The following ZNF273 variants were observed in gnomAD, a reference collection of about 807,000 sequenced individuals.
ZNF273 encodes zinc finger protein 273, also known as zinc finger protein 9.
A neutral mutation model predicts 14.9 loss-of-function variants in ZNF273; 11 were observed. The ratio of observed to expected loss-of-function variants is 0.74; its 90% confidence interval spans 0.46 to 1.22. The LOEUF (loss-of-function observed/expected upper bound fraction) is 1.22, where lower values mean the gene tolerates loss of function less well. Ranked by LOEUF, ZNF273 falls within the 50% of genes most tolerant of loss-of-function variation. The probability of loss-of-function intolerance (pLI) is 0.00; values close to 1 mark genes in which losing one functional copy is unlikely to be tolerated. For missense variants in ZNF273, 577 were observed against 660.6 expected, an observed-to-expected ratio of 0.87 and a Z score of 1.39; for synonymous variants, 199 against 223.9, an observed-to-expected ratio of 0.89 and a Z score of 0.99.
intron 1 of ZNF273, among the ~76,000 whole-genome samples, chr7:64,909,905 C>T (rs1318172372): frequency 1.3e-5 from 2 of 151,358 alleles, no homozygotes; most frequent in African/African-American, 4.9e-5. Context: ...GAGATTGTAT[C>T]TCACTGTGGT....
At position 64,927,965 on chromosome 7, in the gene ZNF273, A is replaced by G. The variant is rs768092715; in HGVS notation, c.637A>G (p.Lys213Glu). The G allele has an allele frequency of 1.3e-5, 21 of 1,613,780 alleles. No individual in the cohort carries two copies. The highest frequency in any genetic ancestry group is 1.7e-5 in the Non-Finnish European group (20 of 1,179,920). The stretch of plus-strand genomic sequence containing the variant: ...ACCTTTCAAATGTAAAGAATGTGGC[A>G]AATCATGTTGCATACTTTCACAACT... ...KKPFKCKECG[K>E]SCCILSQLTQ... Residue 213 changes from lysine to glutamate, a missense_variant, in exon 4 of 4, where the codon AAA becomes GAA. Lys to Glu is a moderately conservative substitution (Grantham distance 56). Coordinates refer to ENST00000476120, the MANE Select transcript of ZNF273 (RefSeq NM_021148.3).
intron 1 of ZNF273, among the ~76,000 whole-genome samples, chr7:64,916,710 C>G (rs941444359): frequency 7.4e-6 from 1 of 135,756 alleles, no homozygotes; most frequent in Non-Finnish European, 1.6e-5. Context: ...TTCTGTGTGC[C>G]TCAGCGCATC....
chr7:64,932,418 T>A (rs1192694101), downstream of ZNF273, among the ~76,000 whole-genome samples: 1 of 152,012 alleles, frequency 6.6e-6, no homozygotes, highest in Non-Finnish European at 1.5e-5. Flanking sequence ...TTGATTCTCC[T>A]GTCACAGCCT....
chr7:64,894,439 CTT>C (rs1792240331), downstream of ZNF273, among the ~76,000 whole-genome samples: 1 of 152,042 alleles, frequency 6.6e-6, no homozygotes, highest in South Asian at 2.1e-4. Context: ...TACAAACAAA[CTT>C]TACAGATTAC....
At chr7:64,895,418 C>G (rs1000202257) in intron 3 of ZNF273, among the ~76,000 whole-genome samples, 3 of 152,072 alleles carry the variant, frequency 2.0e-5, no homozygotes, top group Non-Finnish European at 2.9e-5. Flanking sequence ...GGATTTAGAT[C>G]TAGTTGAATC....
Position 64,929,198 on chromosome 7 carries a change from AT to A in ZNF273, c.*161del, listed in dbSNP as rs1347079985. On this transcript the variant is annotated 3_prime_UTR_variant, in exon 4 of 4. Transcript: ENST00000476120. Reference sequence around the variant, plus strand: ...TGTATAAAGAATGGAAAAGTCATTAATATCTGCTCATATCTTAACATCAGCG... The same window carrying A: ...TGTATAAAGAATGGAAAAGTCATTAAATCTGCTCATATCTTAACATCAGCG... 1.0e-4 allele frequency: 51 copies of A among 495,014 alleles called. No homozygotes were observed. Among genetic ancestry groups the A allele is most frequent in the Non-Finnish European group, 1.6e-4 (47 of 294,942 alleles). 30.7% of individuals were successfully genotyped at this position (495,014 alleles called of 1,614,324 possible).
downstream of ZNF273, among the ~76,000 whole-genome samples, chr7:64,894,531 A>G (rs1467465700): frequency 6.6e-6 from 1 of 152,068 alleles, no homozygotes; most frequent in African/African-American, 2.4e-5. Context: ...TTTAGAAAAG[A>G]TTGGCTTTTT....
downstream of ZNF273, among the ~76,000 whole-genome samples, chr7:64,932,980 T>C (rs115682168): frequency 9.2e-3 from 1,395 of 152,240 alleles, 16 homozygotes; most frequent in African/African-American, 0.032. Flanking sequence ...TTTGGAGGAA[T>C]TCCTTTTTTA....
intron 2 of ZNF273, 107 bp from the exon 3 acceptor site, chr7:64,918,090 G>A: frequency 2.9e-6 from 3 of 1,019,714 alleles, no homozygotes; most frequent in Non-Finnish European, 4.0e-6. Flanking sequence ...GATATTTTGG[G>A]ATTAATTTAC....
chr7:64,909,259 C>G (rs1583986779), intron 1 of ZNF273, among the ~76,000 whole-genome samples: 1 of 150,806 alleles, frequency 6.6e-6, no homozygotes, highest in Non-Finnish European at 1.5e-5. Context: ...CAGTCTCCCT[C>G]TGTCGCCCAG....
In ZNF273 at chr7:64,930,330, G is replaced by C. The variant is rs1794962017; in HGVS notation, c.*1292G>C. On this transcript the variant is annotated 3_prime_UTR_variant, in exon 4 of 4. Transcript: ENST00000476120. ...AAGATGCATGATGAAAATCTAAGTA[G>C]AGAGGCTCTTGTGGTTAACTGATAA... 6.6e-6 allele frequency: 1 copy of C among 152,176 alleles called. No homozygotes were observed. The highest frequency in any genetic ancestry group is 2.1e-4 in the South Asian group (1 of 4,838). The allele number at this position is 152,176 out of a possible 1,614,324, so 9.4% of individuals were successfully genotyped here.
In ZNF273 at chr7:64,925,604, A is replaced by G. The variant is rs533870147; in HGVS notation, c.326-2050A>G. ...AGGCGCGCGCCACCATGCCTGGCTA[A>G]TTTTTGTATTTTTTTAGTAGAGACA... is the stretch of plus-strand genomic sequence containing the variant. On this transcript the variant is annotated intron_variant, in intron 3 of 3. Coordinates refer to ENST00000476120, the MANE Select transcript of ZNF273 (RefSeq NM_021148.3). Among the ~76,000 whole-genome samples the G allele has an allele frequency of 2.4e-4, 36 of 151,990 alleles. 1 individual carries two copies. The South Asian group carries it at 6.7e-3, about 28-fold the overall frequency.
intron 3 of ZNF273, chr7:64,924,443 C>G (rs1391171135): frequency 1.3e-5 from 2 of 152,110 alleles, no homozygotes; most frequent in East Asian, 1.9e-4. Context: ...ATATTGTTCT[C>G]TATGTGTTTC....
intron 1 of ZNF273, among the ~76,000 whole-genome samples, chr7:64,904,723 A>T (rs1284321613): frequency 2.6e-5 from 4 of 152,170 alleles, no homozygotes; most frequent in Middle Eastern, 3.4e-3. Context: ...CTTTAGAAAA[A>T]TTTTTTTCTG....
At chr7:64,931,848 T>G (rs558179292), downstream of ZNF273, among the ~76,000 whole-genome samples, 15 of 152,188 alleles carry the variant, frequency 9.9e-5, no homozygotes, top group Non-Finnish European at 2.1e-4. Flanking sequence ...ACAGTAACAT[T>G]GATTTTTCAT....
At chr7:64,898,478 CTT>C (rs1332109537), upstream of ZNF273, among the ~76,000 whole-genome samples, 1 of 152,158 alleles carries the variant, frequency 6.6e-6, no homozygotes, top group African/African-American at 2.4e-5. Context: ...GCTAAGAAGA[CTT>C]TGTCTCATTC....
At chr7:64,912,241 G>C (rs1043235754) in intron 1 of ZNF273, among the ~76,000 whole-genome samples, 2 of 152,232 alleles carry the variant, frequency 1.3e-5, no homozygotes, top group Non-Finnish European at 2.9e-5. Flanking sequence ...TTACAGGCGT[G>C]AGCCACCATG....
At chr7:64,894,091 G>C (rs552014913), downstream of ZNF273, among the ~76,000 whole-genome samples, 7 of 152,194 alleles carry the variant, frequency 4.6e-5, no homozygotes, top group South Asian at 1.5e-3. Context: ...TGCAACCTCC[G>C]TCTCCCGGGT....
intron 1 of ZNF273, among the ~76,000 whole-genome samples, chr7:64,908,897 A>G (rs1418323841): frequency 6.6e-6 from 1 of 152,046 alleles, no homozygotes; most frequent in Non-Finnish European, 1.5e-5. Context: ...TATATATCAT[A>G]TTTTGTTTTT....
Sources: allele counts gnomAD v4.1 joint callset (sites outside exome capture counted in the v4.1 genomes callset), GRCh38; gene constraint gnomAD v4.1.1; transcripts MANE v1.5; gene names NCBI Gene and HGNC (gene_info 2026-07-23, HGNC 2026-07-21).